Variants in MKLN1 observed in about 807,000 individuals in gnomAD.
MKLN1 encodes the protein muskelin 1, also known as muskelin.
MKLN1 carries 18 observed loss-of-function variants against 99.0 expected under a neutral mutation model. That is an observed-to-expected ratio of 0.18 (90% CI 0.13 to 0.27). The LOEUF (loss-of-function observed/expected upper bound fraction) is 0.27, where lower values mean the gene tolerates loss of function less well. MKLN1 is among the 10% of genes least tolerant of loss of function. The pLI is 1.00. For synonymous variants in MKLN1, 288 were observed against 293.2 expected, an observed-to-expected ratio of 0.98 and a Z score of 0.18; for missense variants, 621 against 875.9, an observed-to-expected ratio of 0.71 and a Z score of 3.67.
Position 131,179,534 on chromosome 7 carries a change from T to C in MKLN1, c.-296-23323T>C, listed in dbSNP as rs140845702. 6.5e-4 allele frequency among the ~76,000 whole-genome samples: 99 copies of C among 151,528 alleles called. 1 individual carries two copies. Among genetic ancestry groups the C allele is most frequent in the African/African-American group, 2.3e-3 (96 of 41,282 alleles). ...ACGCTTTGTGGCTTGCTATCTCCATTGCATTTGTTTTTTAAAAGAGACATT... is the reference window on the plus strand; with the variant it reads ...ACGCTTTGTGGCTTGCTATCTCCATCGCATTTGTTTTTTAAAAGAGACATT... On this transcript the variant is annotated intron_variant, in intron 2 of 7. Coordinates refer to the MKLN1 transcript ENST00000416992.
Position 131,443,632 on chromosome 7 carries a change from G to A in MKLN1, c.1325G>A (p.Arg442Gln), listed in dbSNP as rs1232744351. ...CAATGTCAAACCTGGAAACTTCTTC[G>A]AGAGGACTCCTGTAATGCTGGGCCT... ...NCQCQTWKLL[R>Q]EDSCNAGPED... Residue 442 changes from arginine to glutamine, a missense_variant, in exon 11 of 18, where the codon CGA (arginine) becomes CAA (glutamine). Physicochemically the swap from Arg to Gln is conservative, Grantham distance 43. Transcript: ENST00000352689. The A allele has an allele frequency of 1.9e-6, 3 of 1,614,128 alleles. No individual in the cohort carries two copies. The highest frequency in any genetic ancestry group is 2.2e-5 in the South Asian group (2 of 91,086).
intron 1 of MKLN1, among the ~76,000 whole-genome samples, chr7:131,329,907 A>G (rs1337760932): frequency 6.6e-6 from 1 of 152,238 alleles, no homozygotes; most frequent in Non-Finnish European, 1.5e-5. Context: ...TAACTTTCAT[A>G]CACTTCCACT....
chr7:131,477,335 C>T (rs1015052709), intron 16 of MKLN1, among the ~76,000 whole-genome samples: 4 of 151,600 alleles, frequency 2.6e-5, no homozygotes, highest in African/African-American at 9.7e-5. Context: ...TTGCTTGATA[C>T]CAGGAGTTTG....
chr7:131,382,714 ATATTTTATTTTATTT>A (rs71174944), intron 2 of MKLN1, among the ~76,000 whole-genome samples: 1 of 148,822 alleles, frequency 6.7e-6, no homozygotes, highest in East Asian at 2.0e-4. Flanking sequence ...TTAGCTATAG[ATATTTTATTTTATTT>A]TATTTTATTT....
At chr7:131,447,446 T>C (rs1183773902) in intron 12 of MKLN1, among the ~76,000 whole-genome samples, 1 of 152,164 alleles carries the variant, frequency 6.6e-6, no homozygotes, top group African/African-American at 2.4e-5. Flanking sequence ...ATGTCTTTAA[T>C]CCCAGCACTT....
At chr7:131,399,833 G>T (rs1304272064) in intron 6 of MKLN1, among the ~76,000 whole-genome samples, 3 of 152,236 alleles carry the variant, frequency 2.0e-5, no homozygotes, top group African/African-American at 7.2e-5. Context: ...TAAGGAACAA[G>T]GAGATTTGTA....
chr7:131,147,475 A>G (rs990356829), intron 2 of MKLN1, among the ~76,000 whole-genome samples: 2 of 152,192 alleles, frequency 1.3e-5, no homozygotes, highest in Non-Finnish European at 2.9e-5. Context: ...AGAGTCTTAC[A>G]GAGCTTAGGT....
intron 7 of MKLN1, among the ~76,000 whole-genome samples, chr7:131,412,017 G>A (rs1354387008): frequency 6.6e-6 from 1 of 151,434 alleles, no homozygotes; most frequent in African/African-American, 2.4e-5. Context: ...AGCCTGGGAG[G>A]TCAAGGCTGC....
chr7:131,385,043 T>C (rs1050989095), intron 2 of MKLN1, among the ~76,000 whole-genome samples: 6 of 152,240 alleles, frequency 3.9e-5, no homozygotes, highest in Admixed American at 1.3e-4. Flanking sequence ...TATCTCCTTT[T>C]CGATCTCAGC....
intron 8 of MKLN1, among the ~76,000 whole-genome samples, chr7:131,423,033 C>T (rs968330015): frequency 2.0e-5 from 3 of 152,112 alleles, no homozygotes; most frequent in African/African-American, 7.2e-5. Flanking sequence ...AGAAAAGCCA[C>T]GTCTATTTTG....
chr7:131,472,391 A>G (rs1485693964), intron 16 of MKLN1: 6 of 152,106 alleles, frequency 3.9e-5, no homozygotes, highest in Non-Finnish European at 7.3e-5. Context: ...ACTAATGGGG[A>G]AAAAAAACAG....
chr7:131,275,563 ATATATT>A (rs1331666489), intron 3 of MKLN1, among the ~76,000 whole-genome samples: 8 of 9,040 alleles, frequency 8.8e-4, no homozygotes, highest in African/African-American at 1.5e-3. Flanking sequence ...ATATATATAT[ATATATT>A]TTTTTTTTTT....
At chr7:131,412,859 A>G (rs1794917674) in intron 7 of MKLN1, among the ~76,000 whole-genome samples, 1 of 152,194 alleles carries the variant, frequency 6.6e-6, no homozygotes, top group Non-Finnish European at 1.5e-5. Context: ...CTTTCTCCTG[A>G]TAGTATTGCA....
chr7:131,364,848 AT>A (rs1384538850), intron 1 of MKLN1, among the ~76,000 whole-genome samples: 1 of 152,074 alleles, frequency 6.6e-6, no homozygotes, highest in African/African-American at 2.4e-5. Flanking sequence ...TCTTTATCTA[AT>A]CTGTCACTGG....
chr7:131,340,924 G>A (rs1399479740), intron 1 of MKLN1, among the ~76,000 whole-genome samples: 1 of 152,020 alleles, frequency 6.6e-6, no homozygotes, highest in Non-Finnish European at 1.5e-5. Context: ...TATTTGGAAA[G>A]ACTTGTAACA....
intron 8 of MKLN1, among the ~76,000 whole-genome samples, chr7:131,423,551 C>T (rs899429061): frequency 1.3e-5 from 2 of 152,148 alleles, no homozygotes; most frequent in South Asian, 2.1e-4. Flanking sequence ...ATGCTGGTCT[C>T]GAACTCCCGA....
rs147991746 is a variant in MKLN1 at position 131,234,276 on chromosome 7, G to A, written c.-179+31302G>A. ...ATTACAGGTGTGAGACACCACGCCCGGCCTTTATTTTCAAAAAATAGTCTA... is the reference window on the plus strand; with the variant it reads ...ATTACAGGTGTGAGACACCACGCCCAGCCTTTATTTTCAAAAAATAGTCTA... On this transcript the variant is annotated intron_variant, in intron 3 of 7. Transcript: ENST00000416992. 2.6e-3 allele frequency among the ~76,000 whole-genome samples: 401 copies of A among 152,206 alleles called. 3 individuals are homozygous for A. The highest frequency in any genetic ancestry group is 7.1e-3 in the African/African-American group (294 of 41,528).
At chr7:131,173,182 A>T (rs1460706468) in intron 2 of MKLN1, among the ~76,000 whole-genome samples, 1 of 151,640 alleles carries the variant, frequency 6.6e-6, no homozygotes, top group East Asian at 1.9e-4. Context: ...TACAACAGAC[A>T]TAATAAAGCA....
chr7:131,484,908 AAGG>A (rs1463088411), intron 17 of MKLN1, among the ~76,000 whole-genome samples: 1 of 152,022 alleles, frequency 6.6e-6, no homozygotes, highest in Non-Finnish European at 1.5e-5. Context: ...GGAATAAGAG[AAGG>A]AAGAATCCTC....
Sources: allele counts gnomAD v4.1 joint callset (sites outside exome capture counted in the v4.1 genomes callset), GRCh38; gene constraint gnomAD v4.1.1; transcripts MANE v1.5; gene names NCBI Gene and HGNC (gene_info 2026-07-23, HGNC 2026-07-21).